FGF2: variants seen among roughly 807,000 people sequenced by gnomAD.
FGF2 encodes the protein fibroblast growth factor 2.
FGF2 carries 13 observed loss-of-function variants against 15.9 expected under a neutral mutation model. That is an observed-to-expected ratio of 0.82 (90% CI 0.53 to 1.30). The LOEUF is 1.30. Among genes scored for constraint, FGF2 ranks in the 50% most tolerant of loss-of-function variants. The pLI, the probability that FGF2 is intolerant of heterozygous loss-of-function variation, is 0.00. For missense variants in FGF2, 163 were observed against 196.9 expected, an observed-to-expected ratio of 0.83 and a Z score of 1.03; for synonymous variants, 90 against 78.4, an observed-to-expected ratio of 1.15 and a Z score of -0.78.
In FGF2 at chr4:122,826,993, G is replaced by T. The variant is rs1367392769; in HGVS notation, c.-182G>T. ...ACCAGGGGCCGGCGGACAGAAGAGC[G>T]GCCGAGCGGCTCGAGGCTGGGGGAC... On this transcript the variant is annotated 5_prime_UTR_variant, in exon 1 of 3. Transcript: ENST00000644866. 1.6e-6 allele frequency: 2 copies of T among 1,266,954 alleles called. No individual in the cohort carries two copies. Among genetic ancestry groups the T allele is most frequent in the Non-Finnish European group, 2.0e-6 (2 of 1,006,196 alleles). 78.5% of individuals were successfully genotyped at this position (1,266,954 alleles called of 1,614,324 possible).
intron 1 of FGF2, among the ~76,000 whole-genome samples, chr4:122,841,182 A>G (rs942846457): frequency 6.6e-6 from 1 of 152,220 alleles, no homozygotes; most frequent in Non-Finnish European, 1.5e-5. Flanking sequence ...TTCTTAGGCC[A>G]GGCTCCAACA....
rs186014921 is a variant in FGF2, at chr4:122,851,879, A to G, written c.179-24442A>G. On this transcript the variant is annotated intron_variant, in intron 1 of 2. Coordinates refer to ENST00000644866, the MANE Select transcript of FGF2 (RefSeq NM_001361665.2). ...CCTTACTAATTCTATGCTCTTGGGT[A>G]AGTTAATTTATTTAAATATTAGTTT... Among the ~76,000 whole-genome samples, 226 of 152,282 alleles carry G rather than the reference A, an allele frequency of 1.5e-3. 2 individuals are homozygous for G. Among genetic ancestry groups the G allele is most frequent in the Non-Finnish European group, 2.2e-3 (149 of 68,024 alleles).
intron 1 of FGF2, among the ~76,000 whole-genome samples, chr4:122,862,854 A>AAT (rs1174277129): frequency 6.6e-6 from 1 of 152,210 alleles, no homozygotes; most frequent in Middle Eastern, 3.2e-3. Flanking sequence ...TAGTGGATTT[A>AAT]ATATCAACAT....
chr4:122,852,344 G>A (rs1448001603), intron 1 of FGF2, among the ~76,000 whole-genome samples: 2 of 152,210 alleles, frequency 1.3e-5, no homozygotes, highest in African/African-American at 4.8e-5. Context: ...GTCTCTCTCA[G>A]GTTAGCTTGG....
At chr4:122,868,497 C>T (rs1351484952) in intron 1 of FGF2, among the ~76,000 whole-genome samples, 2 of 152,202 alleles carry the variant, frequency 1.3e-5, no homozygotes, top group African/African-American at 4.8e-5. Context: ...GTGTGTACCA[C>T]ATTTTCTTGA....
At chr4:122,850,317 T>C (rs1726203891) in intron 1 of FGF2, among the ~76,000 whole-genome samples, 1 of 152,104 alleles carries the variant, frequency 6.6e-6, no homozygotes, top group South Asian at 2.1e-4. Context: ...AGCAAAATGT[T>C]ATATATTTGT....
chr4:122,887,530 T>C (rs924833423), intron 2 of FGF2, among the ~76,000 whole-genome samples: 2 of 152,228 alleles, frequency 1.3e-5, no homozygotes, highest in African/African-American at 2.4e-5. Context: ...TTATTTTCTT[T>C]TTGAAATTCC....
chr4:122,835,816 C>T (rs899554987), intron 1 of FGF2, among the ~76,000 whole-genome samples: 3 of 152,168 alleles, frequency 2.0e-5, no homozygotes, highest in Non-Finnish European at 4.4e-5. Context: ...TCCATACCTT[C>T]CTGAAGCTGT....
intron 2 of FGF2, among the ~76,000 whole-genome samples, chr4:122,885,913 C>CTTTTTTT (rs11310783): frequency 9.5e-5 from 8 of 84,522 alleles, no homozygotes; most frequent in African/African-American, 1.9e-4. Flanking sequence ...TTTTTTTTTC[C>CTTTTTTT]TTTTTTTTTT....
intron 1 of FGF2, among the ~76,000 whole-genome samples, chr4:122,830,108 G>T (rs933574680): frequency 6.6e-6 from 1 of 152,132 alleles, no homozygotes; most frequent in African/African-American, 2.4e-5. Flanking sequence ...ATGACACTTT[G>T]TGCCTACATG....
At chr4:122,835,253 G>A (rs1468964967) in intron 1 of FGF2, among the ~76,000 whole-genome samples, 1 of 152,036 alleles carries the variant, frequency 6.6e-6, no homozygotes, top group Non-Finnish European at 1.5e-5. Context: ...CAATGCTGTG[G>A]TCTTTCCTTG....
chr4:122,838,451 A>C (rs1252725562), intron 1 of FGF2, among the ~76,000 whole-genome samples: 1 of 152,224 alleles, frequency 6.6e-6, no homozygotes, highest in Non-Finnish European at 1.5e-5. Context: ...CTTATGAAGC[A>C]GGTGTTGTTA....
intron 1 of FGF2, among the ~76,000 whole-genome samples, chr4:122,834,518 A>G (rs1047243172): frequency 1.3e-5 from 2 of 151,852 alleles, no homozygotes; most frequent in East Asian, 1.9e-4. Flanking sequence ...GCCTTTTCCA[A>G]TTTTTCATGC....
intron 1 of FGF2, among the ~76,000 whole-genome samples, chr4:122,857,858 T>C (rs1726372583): frequency 1.3e-5 from 2 of 152,356 alleles, no homozygotes; most frequent in South Asian, 2.1e-4. Context: ...CACTTATTTT[T>C]AATTAAATTG....
In FGF2 at chr4:122,880,848, C is replaced by T. The variant is rs183432727; in HGVS notation, c.282+4424C>T. On this transcript the variant is annotated intron_variant, in intron 2 of 2. Coordinates refer to ENST00000644866, the MANE Select transcript of FGF2 (RefSeq NM_001361665.2). ...AGGGACTCTGTGTGGGGGCTCTGACCCCACATTTCCCTTCTGCACTGCCCT... is the reference window on the plus strand; with the variant it reads ...AGGGACTCTGTGTGGGGGCTCTGACTCCACATTTCCCTTCTGCACTGCCCT... Among the ~76,000 whole-genome samples the T allele has an allele frequency of 8.5e-3, 1,297 of 152,300 alleles. 72 individuals carry two copies. Among genetic ancestry groups the T allele is most frequent in the Admixed American group, 0.076 (1,166 of 15,302 alleles).
At chr4:122,883,306 T>G (rs1022491676) in intron 2 of FGF2, 2 of 152,204 alleles carry the variant, frequency 1.3e-5, no homozygotes, top group Non-Finnish European at 2.9e-5. Context: ...AATTAGAGTA[T>G]GAAAAAAGAC....
intron 2 of FGF2, among the ~76,000 whole-genome samples, chr4:122,881,700 A>G (rs1168189744): frequency 6.6e-6 from 1 of 152,000 alleles, no homozygotes; most frequent in Admixed American, 6.6e-5. Context: ...ACTTTCCCAC[A>G]TTTTCCTGTC....
intron 1 of FGF2, among the ~76,000 whole-genome samples, chr4:122,873,990 G>T (rs1212649477): frequency 1.3e-5 from 2 of 152,124 alleles, no homozygotes; most frequent in African/African-American, 4.8e-5. Flanking sequence ...TACTGATCTG[G>T]CCATACACGA....
At chr4:122,867,675 A>G (rs971130351) in intron 1 of FGF2, among the ~76,000 whole-genome samples, 1 of 152,176 alleles carries the variant, frequency 6.6e-6, no homozygotes, top group African/African-American at 2.4e-5. Flanking sequence ...TAGTTTTCAA[A>G]TGACTATATT....
Sources: allele counts gnomAD v4.1 joint callset (sites outside exome capture counted in the v4.1 genomes callset), GRCh38; gene constraint gnomAD v4.1.1; transcripts MANE v1.5; gene names NCBI Gene and HGNC (gene_info 2026-07-23, HGNC 2026-07-21).